ABCA13: variants seen among roughly 807,000 people sequenced by gnomAD.
ABCA13 encodes ATP-binding cassette sub-family A member 13.
A neutral mutation model predicts 478.7 loss-of-function variants in ABCA13; 476 were observed. That is an observed-to-expected ratio of 0.99 (90% CI 0.92 to 1.07). ABCA13 has a LOEUF of 1.07. Ranked by LOEUF, ABCA13 falls within the 50% of genes least tolerant of loss-of-function variation. ABCA13 has a pLI of 0.00. For missense variants in ABCA13, 6,060 were observed against 5,910.6 expected (o/e 1.03, Z -0.83); for synonymous variants, 2,252 against 2,158.9 (o/e 1.04, Z -1.20).
intron 9 of ABCA13, 41 bp downstream of exon 9, chr7:48,239,446 A>T: frequency 6.5e-7 from 1 of 1,540,200 alleles, no homozygotes; most frequent in Non-Finnish European, 8.8e-7. Context: ...AAGGTGTGCC[A>T]GTTTGAGTGT....
intron 27 of ABCA13, among the ~76,000 whole-genome samples, chr7:48,328,726 A>G (rs563601233): frequency 1.3e-5 from 2 of 151,356 alleles, no homozygotes; most frequent in Non-Finnish European, 2.9e-5. Context: ...AATTATAAAC[A>G]TATAGTTCAA....
intron 48 of ABCA13, among the ~76,000 whole-genome samples, chr7:48,490,845 A>G (rs1829776005): frequency 2.0e-5 from 3 of 152,220 alleles, no homozygotes; most frequent in Admixed American, 6.5e-5. Flanking sequence ...GACATAATCT[A>G]TGTAATATGT....
chr7:48,375,516 A>G (rs1047943215), intron 34 of ABCA13, among the ~76,000 whole-genome samples: 1 of 152,238 alleles, frequency 6.6e-6, no homozygotes, highest in Non-Finnish European at 1.5e-5. Context: ...ATTTTCTAAA[A>G]ATCTATTGGC....
intron 38 of ABCA13, among the ~76,000 whole-genome samples, chr7:48,395,850 A>G (rs1816765960): frequency 6.6e-6 from 1 of 152,218 alleles, no homozygotes; most frequent in Non-Finnish European, 1.5e-5. Context: ...ACAGTAGAAT[A>G]TTAGTAGGTA....
At chr7:48,312,866 T>C (rs1477641299) in intron 24 of ABCA13, among the ~76,000 whole-genome samples, 1 of 152,240 alleles carries the variant, frequency 6.6e-6, no homozygotes, top group East Asian at 1.9e-4. Context: ...ACAATGCTAG[T>C]GCAATTCAGT....
In ABCA13 at chr7:48,273,633, A is replaced by G. The variant is rs780349533; in HGVS notation, c.3967A>G (p.Ile1323Val). The G allele has an allele frequency of 5.0e-6, 8 of 1,604,786 alleles. No homozygotes were observed. In the South Asian group the frequency reaches 5.6e-5, roughly 11 times the overall value. Residue 1323 changes from isoleucine to valine, a missense_variant, in exon 17 of 62, where the codon ATC becomes GTC. Physicochemically the swap from Ile to Val is conservative, Grantham distance 29 (BLOSUM62 3). Around this residue, in one of 3 missense-constraint regions of ABCA13, gnomAD observed 4,423 missense variants for 4,309.1 expected, o/e 1.03. Coordinates refer to ENST00000435803, the MANE Select transcript of ABCA13 (RefSeq NM_152701.5). ...LTNYGEKFENIITELREAIVF... is the reference protein window; with the variant it reads ...LTNYGEKFENVITELREAIVF... ...AAATTATGGAGAAAAATTTGAAAAT[A>G]TCATCACTGAGCTAAGAGAAGCAAT...
chr7:48,631,433 T>C (rs115035373), intron 59 of ABCA13, among the ~76,000 whole-genome samples: 2,386 of 152,256 alleles, frequency 0.016, 54 homozygotes, highest in African/African-American at 0.053. Context: ...TGTTTATTTT[T>C]GTCAGCTTTG....
chr7:48,643,610 C>A (rs1388137837), intron 60 of ABCA13, among the ~76,000 whole-genome samples: 1 of 152,214 alleles, frequency 6.6e-6, no homozygotes, highest in Non-Finnish European at 1.5e-5. Context: ...TAATTGCTTC[C>A]TGGATTGGCC....
intron 23 of ABCA13, among the ~76,000 whole-genome samples, chr7:48,303,029 T>A (rs1426478732): frequency 6.6e-6 from 1 of 152,170 alleles, no homozygotes; most frequent in Non-Finnish European, 1.5e-5. Context: ...TAATAATCAT[T>A]CTAATTGGTG....
intron 35 of ABCA13, among the ~76,000 whole-genome samples, chr7:48,382,492 A>C (rs1200540678): frequency 6.6e-6 from 1 of 152,246 alleles, no homozygotes; most frequent in Non-Finnish European, 1.5e-5. Flanking sequence ...CAGGGTAGGC[A>C]GATAAAATAC....
intron 58 of ABCA13, chr7:48,611,922 AC>A (rs1792065592): frequency 6.6e-6 from 1 of 152,236 alleles, no homozygotes; most frequent in Non-Finnish European, 1.5e-5. Flanking sequence ...ATGTGTTTGT[AC>A]AGGAAAATAT....
chr7:48,273,004 C>T lies in ABCA13; in HGVS notation c.3338C>T (p.Ser1113Leu). 1 of 1,613,616 alleles carries T rather than the reference C, an allele frequency of 6.2e-7. No homozygotes were observed. ...AAACACATTTCTTCCGTAAATTATTCAACAAGTGAGGAGTCTTCATTTGTT... is the reference window on the plus strand; with the variant it reads ...AAACACATTTCTTCCGTAAATTATTTAACAAGTGAGGAGTCTTCATTTGTT... ...DNKHISSVNY[S>L]TSEESSFVFP... The change falls in exon 17 of 62, where the codon TCA becomes TTA. Residue 1113 changes from serine (S) to leucine (L), a missense_variant. Ser to Leu is a moderately radical substitution (Grantham distance 145). Around this residue, in one of 3 missense-constraint regions of ABCA13, gnomAD observed 4,423 missense variants for 4,309.1 expected, o/e 1.03. Transcript: ENST00000435803.
intron 59 of ABCA13, among the ~76,000 whole-genome samples, chr7:48,631,491 T>G (rs775331605): frequency 1.5e-4 from 23 of 152,178 alleles, no homozygotes; most frequent in Admixed American, 8.5e-4. Context: ...CTGGATTCTG[T>G]ATTCTTTTCC....
At chr7:48,587,461 C>T (rs374648275) in intron 57 of ABCA13, among the ~76,000 whole-genome samples, 173 bp downstream of exon 57, 1 of 152,256 alleles carries the variant, frequency 6.6e-6, no homozygotes, top group East Asian at 1.9e-4. Flanking sequence ...TTGTATTTTA[C>T]AGAAATAAAA....
intron 1 of ABCA13, among the ~76,000 whole-genome samples, chr7:48,175,613 G>A (rs1246712859): frequency 2.6e-5 from 4 of 152,160 alleles, no homozygotes; most frequent in Non-Finnish European, 5.9e-5. Context: ...TAGAGATGGA[G>A]TTTCACCATG....
At chr7:48,291,846 A>T (rs1180373094) in intron 20 of ABCA13, among the ~76,000 whole-genome samples, 2 of 152,142 alleles carry the variant, frequency 1.3e-5, no homozygotes, top group Non-Finnish European at 2.9e-5. Flanking sequence ...CCGGCTTCTG[A>T]GCCCGGCATT....
At chr7:48,266,656 A>C (rs1194484863) in intron 15 of ABCA13, among the ~76,000 whole-genome samples, 1 of 151,552 alleles carries the variant, frequency 6.6e-6, no homozygotes, top group Non-Finnish European at 1.5e-5. Context: ...CCAGCCTTTG[A>C]TTTCATTCAT....
chr7:48,498,643 A>C (rs909225277), intron 48 of ABCA13, among the ~76,000 whole-genome samples: 9 of 152,198 alleles, frequency 5.9e-5, no homozygotes, highest in Admixed American at 1.3e-4. Flanking sequence ...TGGAAAGAAA[A>C]GGCTATACTC....
At chr7:48,606,594 C>T (rs1434009226) in intron 58 of ABCA13, among the ~76,000 whole-genome samples, 3 of 152,142 alleles carry the variant, frequency 2.0e-5, no homozygotes, top group Non-Finnish European at 4.4e-5. Flanking sequence ...AAGCTTCATC[C>T]CAGAGGGTCA....
Sources: gnomAD v4.1 joint callset for allele counts (sites outside exome capture counted in the v4.1 genomes callset) on GRCh38, gnomAD v4.1.1 for gene constraint, gnomAD v4.1.1 regional missense constraint, MANE v1.5 for transcripts, NCBI Gene and HGNC (gene_info 2026-07-23, HGNC 2026-07-21) for gene names.